TPCN1: variants seen among roughly 807,000 people sequenced by gnomAD.
TPCN1 encodes the protein two pore segment channel 1.
Under a neutral mutation model 108.8 loss-of-function variants are expected in TPCN1, and 52 were observed. The ratio of observed to expected loss-of-function variants is 0.48; its 90% CI spans 0.38 to 0.60. The LOEUF (loss-of-function observed/expected upper bound fraction) is 0.60, where lower values mean the gene tolerates loss of function less well. TPCN1 is among the 20% of genes least tolerant of loss of function. The pLI is 0.00. For synonymous variants in TPCN1, 446 were observed against 433.7 expected, an observed-to-expected ratio of 1.03 and a Z score of -0.35; for missense variants, 806 against 1,072.8, an observed-to-expected ratio of 0.75 and a Z score of 3.47.
intron 14 of TPCN1, among the ~76,000 whole-genome samples, chr12:113,279,696 G>A (rs976744692): frequency 3.3e-5 from 5 of 151,882 alleles, no homozygotes; most frequent in South Asian, 2.1e-4. Context: ...GAGCCACTGC[G>A]CCCGACCCCG....
chr12:113,296,272 G>C lies in TPCN1; in HGVS notation c.*196G>C. On this transcript the variant is annotated 3_prime_UTR_variant, in exon 28 of 28. Coordinates refer to ENST00000335509, the MANE Select transcript of TPCN1 (RefSeq NM_017901.6). ...TTCCTTAACTCCAGAAGCCAGTTTG[G>C]TGAGGGGTGGGGGTGCGGCCACCAG... 1.2e-6 allele frequency: 1 copy of C among 859,428 alleles called. No homozygotes were observed. Among genetic ancestry groups the C allele is most frequent in the South Asian group, 2.1e-5 (1 of 48,252 alleles). The allele number at this position is 859,428 out of a possible 1,614,324, so 53.2% of individuals were successfully genotyped here. A position where few individuals can be genotyped will look rare whatever the true frequency, so the allele number is the denominator to read the frequency against.
At chr12:113,270,976 C>T (rs138993796) in intron 7 of TPCN1, among the ~76,000 whole-genome samples, 177 of 152,158 alleles carry the variant, frequency 1.2e-3, no homozygotes, top group African/African-American at 4.0e-3. Context: ...TTTAAAAATA[C>T]GCCAGGCATG....
chr12:113,291,832 C>CA, intron 24 of TPCN1, 42 bp from the exon 25 acceptor site: 1 of 1,492,416 alleles, frequency 6.7e-7, no homozygotes, highest in Non-Finnish European at 9.4e-7. Flanking sequence ...CCTACCCACC[C>CA]TCCTCCCCTG....
intron 3 of TPCN1, among the ~76,000 whole-genome samples, chr12:113,265,879 C>T (rs1200298380): frequency 6.6e-6 from 1 of 152,202 alleles, no homozygotes; most frequent in East Asian, 1.9e-4. Context: ...ATCTTCCCGC[C>T]TTGGCCTCCG....
intron 2 of TPCN1, among the ~76,000 whole-genome samples, chr12:113,256,648 A>T (rs1042900257): frequency 6.6e-6 from 1 of 152,178 alleles, no homozygotes; most frequent in Non-Finnish European, 1.5e-5. Context: ...TCAGCCTCCT[A>T]GGCACTGGGA....
intron 2 of TPCN1, among the ~76,000 whole-genome samples, chr12:113,254,997 A>T (rs1346237621): frequency 1.3e-5 from 2 of 152,260 alleles, no homozygotes; most frequent in African/African-American, 4.8e-5. Context: ...TGAGACAAAG[A>T]TATCCCTTCT....
At chr12:113,280,234 CT>C in intron 15 of TPCN1, 39 bp downstream of exon 15, 8 of 1,569,520 alleles carry the variant, frequency 5.1e-6, no homozygotes, top group Non-Finnish European at 7.0e-6. Context: ...CACTTTCCCC[CT>C]GAGTCCTTTG....
rs528247942 is a variant in TPCN1, at chr12:113,266,490, A to C, written c.414+134A>C. 3.2e-6 allele frequency: 4 copies of C among 1,238,502 alleles called. No individual in the cohort carries two copies. The highest frequency in any genetic ancestry group is 3.4e-6 in the Non-Finnish European group (3 of 887,290). The allele number at this position is 1,238,502 out of a possible 1,614,324, so 76.7% of individuals were successfully genotyped here. On this transcript the variant is annotated intron_variant, in intron 4 of 27. Transcript: ENST00000335509. This position sits in a 1 kb window ranked among gnomAD's most constrained non-coding sequence, Gnocchi z 4.2. ...TAAAACAGAGAGATACGAGGTGGTCATAGAGGCCTTGGGAGCGGAAATGCC... is the reference window on the plus strand; with the variant it reads ...TAAAACAGAGAGATACGAGGTGGTCCTAGAGGCCTTGGGAGCGGAAATGCC...
Position 113,232,894 on chromosome 12 carries a change from C to G in TPCN1, c.112+5930C>G, listed in dbSNP as rs1953741740. Among the ~76,000 whole-genome samples the G allele has an allele frequency of 6.6e-6, 1 of 152,202 alleles. No homozygotes were observed. Among genetic ancestry groups the G allele is most frequent in the African/African-American group, 2.4e-5 (1 of 41,446 alleles). ...GGCACAGCAGGTGGCCCCTGCCAAG[C>G]TGGGACGCCTCCGTGTAGCAGCTGG... On this transcript the variant is annotated intron_variant, in intron 2 of 27. Transcript: ENST00000335509. This position sits in a 1 kb window ranked among gnomAD's most constrained non-coding sequence, Gnocchi z 5.6.
intron 2 of TPCN1, among the ~76,000 whole-genome samples, chr12:113,235,395 T>C (rs1241961620): frequency 6.6e-6 from 1 of 152,226 alleles, no homozygotes; most frequent in Non-Finnish European, 1.5e-5. Flanking sequence ...TACTGTTTTT[T>C]AAAAGTGATT....
rs1004137340 is a variant in TPCN1 at position 113,296,133 on chromosome 12, C to T, written c.*57C>T. ...ATAACACAATAGTATTACTCTACTG[C>T]GATGTACGGAACTGCGGTGTGTGTA... On this transcript the variant is annotated 3_prime_UTR_variant, in exon 28 of 28. Transcript: ENST00000335509. 33 of 1,590,106 alleles carry T rather than the reference C, an allele frequency of 2.1e-5. No homozygotes were observed. The highest frequency in any genetic ancestry group is 3.4e-4 in the Middle Eastern group (2 of 5,952).
intron 15 of TPCN1, among the ~76,000 whole-genome samples, chr12:113,283,801 G>A (rs991400725): frequency 5.9e-5 from 9 of 152,192 alleles, no homozygotes; most frequent in Admixed American, 3.9e-4. Context: ...AGCCTCCTGA[G>A]TAGCTGGGCC....
intron 18 of TPCN1, among the ~76,000 whole-genome samples, chr12:113,286,290 C>G (rs532471735): frequency 1.7e-4 from 26 of 152,344 alleles, no homozygotes; most frequent in African/African-American, 6.0e-4. Context: ...AATGCTCCCC[C>G]CCTTCCTTGA....
At chr12:113,274,705 A>T (rs1329603624) in intron 10 of TPCN1, among the ~76,000 whole-genome samples, 2 of 152,312 alleles carry the variant, frequency 1.3e-5, no homozygotes, top group East Asian at 3.9e-4. Context: ...ATAATTTAAT[A>T]AATAAACACA....
chr12:113,245,363 C>T (rs1228825753), intron 2 of TPCN1, among the ~76,000 whole-genome samples: 5 of 121,130 alleles, frequency 4.1e-5, no homozygotes, highest in Admixed American at 7.9e-5. Flanking sequence ...TTTGGGAGGC[C>T]GAGGCGGGCG....
chr12:113,288,906 G>C lies in TPCN1; in HGVS notation c.1796+59G>C. ...CATTTCCCGGGCAGAGGGCTGGCCA[G>C]GGCCAGGATTGGTGTCCTTGTGGCC... is the stretch of plus-strand genomic sequence containing the variant. On this transcript the variant is annotated intron_variant, in intron 21 of 27. Transcript: ENST00000335509. This position sits in a 1 kb window ranked among gnomAD's most constrained non-coding sequence, Gnocchi z 4.8. The C allele has an allele frequency of 6.4e-7, 1 of 1,559,024 alleles. No individual in the cohort carries two copies. The highest frequency in any genetic ancestry group is 8.8e-7 in the Non-Finnish European group (1 of 1,133,382).
At chr12:113,252,617 AC>A (rs1180452099) in intron 2 of TPCN1, among the ~76,000 whole-genome samples, 1 of 152,036 alleles carries the variant, frequency 6.6e-6, no homozygotes, top group Admixed American at 6.5e-5. Context: ...TATTTATGTT[AC>A]CTAGGACTCT....
At chr12:113,253,196 G>T (rs746906959) in intron 2 of TPCN1, among the ~76,000 whole-genome samples, 1 of 152,182 alleles carries the variant, frequency 6.6e-6, no homozygotes, top group East Asian at 1.9e-4. Context: ...CTACTTGGGA[G>T]GGCTGTTGTA....
chr12:113,271,764 G>A (rs934798793), intron 7 of TPCN1, among the ~76,000 whole-genome samples: 15 of 152,314 alleles, frequency 9.8e-5, no homozygotes, highest in Admixed American at 9.1e-4. Context: ...TCCCAAAGGC[G>A]CTTGCCTGGG....
Sources: gnomAD v4.1 joint callset for allele counts (sites outside exome capture counted in the v4.1 genomes callset) on GRCh38, gnomAD v4.1.1 for gene constraint, Gnocchi (gnomAD v3.1) non-coding constraint, MANE v1.5 for transcripts, NCBI Gene and HGNC (gene_info 2026-07-23, HGNC 2026-07-21) for gene names.